RBMS3: variants seen among roughly 807,000 people sequenced by gnomAD.
The protein encoded by RBMS3 is RNA-binding motif, single-stranded-interacting protein 3.
Under a neutral mutation model 66.8 loss-of-function variants are expected in RBMS3, and 27 were observed. The observed-to-expected ratio is 0.40, with a 90% CI of 0.30 to 0.56. The LOEUF (loss-of-function observed/expected upper bound fraction) is 0.56, where lower values mean the gene tolerates loss of function less well. Ranked by LOEUF, RBMS3 falls within the 20% of genes least tolerant of loss-of-function variation. RBMS3 has a pLI of 0.40. For synonymous variants in RBMS3, 188 were observed against 183.0 expected (o/e 1.03, Z -0.22); for missense variants, 513 against 549.5 (o/e 0.93, Z 0.66).
intron 6 of RBMS3, among the ~76,000 whole-genome samples, chr3:29,798,001 T>G (rs537669473): frequency 6.6e-6 from 1 of 151,832 alleles, no homozygotes; most frequent in Non-Finnish European, 1.5e-5. Flanking sequence ...TTGTTGTATC[T>G]CAGGAAATGG....
intron 5 of RBMS3, among the ~76,000 whole-genome samples, chr3:29,757,094 A>T (rs528783256): frequency 6.6e-6 from 1 of 152,298 alleles, no homozygotes; most frequent in African/African-American, 2.4e-5. Flanking sequence ...GTTCCAACCC[A>T]CTAATCAAGT....
intron 8 of RBMS3, among the ~76,000 whole-genome samples, chr3:29,892,835 G>GTATTTATTTATT (rs1438541972): frequency 3.0e-4 from 38 of 127,090 alleles, no homozygotes; most frequent in African/African-American, 1.4e-3. Context: ...ATGTATGTAT[G>GTATTTATTTATT]TATGTATGTA....
At chr3:29,755,923 A>G (rs2055392495) in intron 5 of RBMS3, among the ~76,000 whole-genome samples, 1 of 151,712 alleles carries the variant, frequency 6.6e-6, no homozygotes, top group Admixed American at 6.6e-5. Context: ...GAAATACACC[A>G]CTCTCCCTGT....
intron 2 of RBMS3, among the ~76,000 whole-genome samples, chr3:29,443,424 T>C (rs1032706226): frequency 1.6e-4 from 25 of 152,118 alleles, no homozygotes; most frequent in African/African-American, 5.8e-4. Flanking sequence ...AATAAATAAT[T>C]AAAAAACATT....
In RBMS3 at chr3:29,479,463, C is replaced by T. The variant is rs537710463; in HGVS notation, c.249-8978C>T. On this transcript the variant is annotated intron_variant, in intron 2 of 14. Coordinates refer to ENST00000383767, the MANE Select transcript of RBMS3 (RefSeq NM_001003793.3). ...CATCAAGCTCTATACTGATCTGGGC[C>T]TCTTTAAAATGAAGGTCTCATTGAA... 1.3e-4 allele frequency among the ~76,000 whole-genome samples: 19 copies of T among 151,970 alleles called. No homozygotes were observed. The South Asian group carries it at 3.7e-3, about 30-fold the overall frequency.
chr3:29,615,495 C>T (rs1228175515), intron 4 of RBMS3, among the ~76,000 whole-genome samples: 1 of 151,848 alleles, frequency 6.6e-6, no homozygotes, highest in Non-Finnish European at 1.5e-5. Context: ...CACACACACA[C>T]ATAAAATGAT....
intron 4 of RBMS3, among the ~76,000 whole-genome samples, chr3:29,660,071 TTTA>T (rs1427381178): frequency 6.6e-6 from 1 of 152,206 alleles, no homozygotes; most frequent in Non-Finnish European, 1.5e-5. Flanking sequence ...TCCTAAATAT[TTTA>T]TTTATTTTGA....
At position 29,528,828 on chromosome 3, in the gene RBMS3, G is replaced by C. The variant is rs537577000; in HGVS notation, c.307+40329G>C. ...GGCTCACTGTAACTTCTGCCTCCCAGGTTCAAGCGATTCTCCTGCCTCAGC... is the reference window on the plus strand; with the variant it reads ...GGCTCACTGTAACTTCTGCCTCCCACGTTCAAGCGATTCTCCTGCCTCAGC... On this transcript the variant is annotated intron_variant, in intron 3 of 14. Transcript: ENST00000383767. Among the ~76,000 whole-genome samples the C allele has an allele frequency of 3.9e-5, 6 of 152,236 alleles. No individual in the cohort carries two copies. The South Asian group carries it at 1.0e-3, about 26-fold the overall frequency.
chr3:29,701,911 G>A (rs2052613542), intron 4 of RBMS3, among the ~76,000 whole-genome samples: 1 of 152,218 alleles, frequency 6.6e-6, no homozygotes, highest in South Asian at 2.1e-4. Context: ...CCGCCCAAAG[G>A]CTGAGGAGTG....
At chr3:29,875,473 A>G (rs2059591475) in intron 7 of RBMS3, among the ~76,000 whole-genome samples, 1 of 152,286 alleles carries the variant, frequency 6.6e-6, no homozygotes, top group African/African-American at 2.4e-5. Context: ...TACTTTAAAC[A>G]CCACTAATAA....
At chr3:29,845,701 A>G (rs763097812) in intron 6 of RBMS3, among the ~76,000 whole-genome samples, 3 of 152,182 alleles carry the variant, frequency 2.0e-5, no homozygotes, top group Non-Finnish European at 4.4e-5. Context: ...TGAATTCTGG[A>G]GCAGTGAAGA....
At chr3:29,343,519 G>A (rs192004152) in intron 1 of RBMS3, among the ~76,000 whole-genome samples, 104 of 151,638 alleles carry the variant, frequency 6.9e-4, no homozygotes, top group Middle Eastern at 3.4e-3. Context: ...TTAAATAGAC[G>A]GCTAATATTT....
chr3:29,440,570 T>C (rs975477227), intron 2 of RBMS3, among the ~76,000 whole-genome samples: 1 of 152,164 alleles, frequency 6.6e-6, no homozygotes, highest in Non-Finnish European at 1.5e-5. Flanking sequence ...CACCCTAGCA[T>C]TTCCCCCTTT....
chr3:29,387,865 C>T (rs1338401062), intron 1 of RBMS3, among the ~76,000 whole-genome samples: 2 of 152,050 alleles, frequency 1.3e-5, no homozygotes, highest in Non-Finnish European at 2.9e-5. Context: ...TGTAAATATC[C>T]ACACAACCTT....
intron 1 of RBMS3, among the ~76,000 whole-genome samples, chr3:29,335,094 T>C (rs2035872024): frequency 6.6e-6 from 1 of 150,416 alleles, no homozygotes; most frequent in African/African-American, 2.4e-5. Flanking sequence ...AAATGAAGCC[T>C]GCTTCTCAGT....
intron 4 of RBMS3, among the ~76,000 whole-genome samples, chr3:29,737,231 T>G (rs2054422771): frequency 6.6e-6 from 1 of 152,146 alleles, no homozygotes; most frequent in African/African-American, 2.4e-5. Context: ...CGCCTCGGCC[T>G]CCCAAAGTGC....
intron 6 of RBMS3, 63 bp from the exon 7 acceptor site, chr3:29,868,795 C>A: frequency 7.5e-7 from 1 of 1,339,210 alleles, no homozygotes; most frequent in Non-Finnish European, 1.0e-6. Flanking sequence ...TACTGTGACT[C>A]ACATAATCAC....
intron 3 of RBMS3, among the ~76,000 whole-genome samples, chr3:29,513,379 G>T (rs2044491147): frequency 6.6e-6 from 1 of 152,126 alleles, no homozygotes; most frequent in South Asian, 2.1e-4. Context: ...TGACTCCAGT[G>T]TTTAAAATCC....
intron 4 of RBMS3, among the ~76,000 whole-genome samples, chr3:29,598,970 A>G (rs1253288760): frequency 6.6e-6 from 1 of 152,074 alleles, no homozygotes; most frequent in African/African-American, 2.4e-5. Flanking sequence ...AAGAATAAAA[A>G]TTGTGCAGTA....
Sources: allele counts gnomAD v4.1 joint callset (sites outside exome capture counted in the v4.1 genomes callset), GRCh38; gene constraint gnomAD v4.1.1; transcripts MANE v1.5; gene names NCBI Gene and HGNC (gene_info 2026-07-23, HGNC 2026-07-21).